MMP26: variants seen among roughly 807,000 people sequenced by gnomAD.
MMP26 encodes the protein matrix metallopeptidase 26, also known as matrix metalloproteinase-26.
A neutral mutation model predicts 31.0 loss-of-function variants in MMP26; 33 were observed. The ratio of observed to expected loss-of-function variants is 1.06; its 90% CI spans 0.81 to 1.42. The LOEUF (loss-of-function observed/expected upper bound fraction) is 1.42, where lower values mean the gene tolerates loss of function less well. Among genes scored for constraint, MMP26 ranks in the 40% most tolerant of loss-of-function variants. MMP26 has a pLI of 0.00. For missense variants in MMP26, 347 were observed against 316.1 expected, an observed-to-expected ratio of 1.10 and a Z score of -0.74; for synonymous variants, 122 against 114.9, an observed-to-expected ratio of 1.06 and a Z score of -0.40.
rs978917317 is a variant in MMP26, at chr11:4,988,090, C to G, written c.-122C>G. The G allele has an allele frequency of 1.6e-5, 14 of 850,524 alleles. No homozygotes were observed. In the African/African-American group the frequency reaches 2.1e-4, roughly 13 times the overall value. The allele number at this position is 850,524 out of a possible 1,614,324, so 52.7% of individuals were successfully genotyped here. The stretch of plus-strand genomic sequence containing the variant: ...CAGGTATGGATGATGACGCCACTCA[C>G]AGATTCAAAGAAAGGGCAAACTGGC... On this transcript the variant is annotated 5_prime_UTR_variant, in exon 3 of 8. Transcript: ENST00000380390.
chr11:4,858,254 G>T (rs1182180871), intron 2 of MMP26, among the ~76,000 whole-genome samples: 1 of 152,034 alleles, frequency 6.6e-6, no homozygotes, highest in Non-Finnish European at 1.5e-5. Flanking sequence ...AGAAATAAAA[G>T]GTATTCAATT....
chr11:4,841,025 A>G (rs1849786732), intron 2 of MMP26, among the ~76,000 whole-genome samples: 1 of 152,248 alleles, frequency 6.6e-6, no homozygotes, highest in African/African-American at 2.4e-5. Context: ...GGCATACTGA[A>G]GAATGCATTA....
chr11:4,858,161 G>T (rs1850085253), intron 2 of MMP26, among the ~76,000 whole-genome samples: 1 of 151,982 alleles, frequency 6.6e-6, no homozygotes, highest in South Asian at 2.1e-4. Context: ...TTTGAAAACT[G>T]GCACAAGACA....
At chr11:4,817,008 A>G (rs1023933634) in intron 2 of MMP26, among the ~76,000 whole-genome samples, 2 of 151,882 alleles carry the variant, frequency 1.3e-5, no homozygotes, top group African/African-American at 2.4e-5. Flanking sequence ...ACGTTTAGTG[A>G]CATAGGTTGA....
At chr11:4,986,619 C>T (rs1846893980) in intron 2 of MMP26, among the ~76,000 whole-genome samples, 1 of 139,738 alleles carries the variant, frequency 7.2e-6, no homozygotes, top group Non-Finnish European at 1.5e-5. Context: ...CAACCTCCGC[C>T]TTCTGGGTTC....
At chr11:4,787,705 A>T (rs750175794) in intron 2 of MMP26, 1 of 152,248 alleles carries the variant, frequency 6.6e-6, no homozygotes, top group Non-Finnish European at 1.5e-5. Context: ...AAGAAATGTA[A>T]TGGGGGCTTT....
intron 2 of MMP26, among the ~76,000 whole-genome samples, chr11:4,887,544 T>C (rs1173682749): frequency 6.6e-6 from 1 of 152,188 alleles, no homozygotes; most frequent in South Asian, 2.1e-4. Context: ...CATGAACTGT[T>C]TTTCAGGACA....
intron 2 of MMP26, chr11:4,914,832 G>C (rs1564806093): frequency 6.2e-7 from 1 of 1,614,042 alleles, no homozygotes; most frequent in African/African-American, 1.3e-5. Flanking sequence ...ATGACCACCT[G>C]GACCAGGTGG....
intron 1 of MMP26, chr11:4,736,633 A>T (rs781181510): frequency 6.6e-6 from 1 of 152,210 alleles, no homozygotes; most frequent in Non-Finnish European, 1.5e-5. Flanking sequence ...AGGCAATAGG[A>T]TCACGGTCCC....
intron 2 of MMP26, among the ~76,000 whole-genome samples, chr11:4,817,894 A>G (rs1849442977): frequency 6.6e-6 from 1 of 152,120 alleles, no homozygotes; most frequent in African/African-American, 2.4e-5. Context: ...GTGAGTAGAA[A>G]GGGCACCTCT....
At chr11:4,832,063 A>G (rs889158816) in intron 2 of MMP26, 2 of 152,216 alleles carry the variant, frequency 1.3e-5, no homozygotes, top group East Asian at 1.9e-4. Flanking sequence ...AGCAAGTACA[A>G]TTAAAAACTT....
chr11:4,743,052 T>C (rs1848335198), intron 1 of MMP26, among the ~76,000 whole-genome samples: 1 of 152,160 alleles, frequency 6.6e-6, no homozygotes, highest in Admixed American at 6.5e-5. Context: ...TGCTTTTCTA[T>C]GGTGGTGAAA....
At chr11:4,820,549 C>A (rs1849480972) in intron 2 of MMP26, among the ~76,000 whole-genome samples, 1 of 151,676 alleles carries the variant, frequency 6.6e-6, no homozygotes, top group South Asian at 2.1e-4. Context: ...TCCTCTTATT[C>A]CTCCTCCTCC....
At chr11:4,758,458 T>TC (rs963841078) in intron 1 of MMP26, among the ~76,000 whole-genome samples, 2 of 121,388 alleles carry the variant, frequency 1.6e-5, no homozygotes, top group Non-Finnish European at 3.3e-5. Context: ...AAGCTGATCA[T>TC]CCATTTGGAA....
rs11828373 is a variant in MMP26, at chr11:4,863,124, G to A, written c.-145+95783G>A. Among the ~76,000 whole-genome samples, 1,201 of 152,190 alleles carry A rather than the reference G, an allele frequency of 7.9e-3. 12 individuals are homozygous for A. The highest frequency in any genetic ancestry group is 0.027 in the African/African-American group (1,139 of 41,526). On this transcript the variant is annotated intron_variant, in intron 2 of 7. Transcript: ENST00000380390. ...ATTCCTTAAGTTCTGAGAACCTGCTGAAGCCCTGTTCTTCCATGCAAATAG... is the reference window on the plus strand; with the variant it reads ...ATTCCTTAAGTTCTGAGAACCTGCTAAAGCCCTGTTCTTCCATGCAAATAG...
At chr11:4,879,929 C>T (rs115593380) in intron 2 of MMP26, among the ~76,000 whole-genome samples, 124 of 152,216 alleles carry the variant, frequency 8.1e-4, no homozygotes, top group African/African-American at 2.3e-3. Context: ...GCTGAGATTC[C>T]TTAGCCTAAG....
Position 4,896,873 on chromosome 11 carries a change from TG to T in MMP26, c.-144-91194del, listed in dbSNP as rs372454148. 5.9e-5 allele frequency among the ~76,000 whole-genome samples: 9 copies of T among 152,308 alleles called. No individual in the cohort carries two copies. In the South Asian group the frequency reaches 1.7e-3, roughly 28 times the overall value. ...CTGTTACTTGCTTTGTTGTGTCTTT[TG>T]AAACTTTCCTACTACATGCAAATAC... is the stretch of plus-strand genomic sequence containing the variant. On this transcript the variant is annotated intron_variant, in intron 2 of 7. Transcript: ENST00000380390.
At chr11:4,710,337 A>G (rs930496320) in intron 1 of MMP26, 5 of 456,686 alleles carry the variant, frequency 1.1e-5, no homozygotes, top group African/African-American at 2.0e-5. Context: ...CTACATCCCC[A>G]TGATCAGTTT....
rs147947200 is a variant in MMP26 at position 4,814,016 on chromosome 11, G to A, written c.-145+46675G>A. Among the ~76,000 whole-genome samples the A allele has an allele frequency of 8.4e-3, 1,276 of 152,172 alleles. 22 individuals carry two copies. Among genetic ancestry groups the A allele is most frequent in the African/African-American group, 0.028 (1,157 of 41,514 alleles). ...CAAGAGGTAGACAAAGGGTCAATGC[G>A]CATATGAAAAGGTTTATTATTATTA... On this transcript the variant is annotated intron_variant, in intron 2 of 7. Transcript: ENST00000380390.
Sources: gnomAD v4.1 joint callset for allele counts (sites outside exome capture counted in the v4.1 genomes callset) on GRCh38, gnomAD v4.1.1 for gene constraint, MANE v1.5 for transcripts, NCBI Gene and HGNC (gene_info 2026-07-23, HGNC 2026-07-21) for gene names.